Variants in NELL1 observed in about 807,000 individuals in gnomAD.
The protein encoded by NELL1 is neural EGFL like 1.
A neutral mutation model predicts 107.4 loss-of-function variants in NELL1; 76 were observed. The observed-to-expected ratio is 0.71, with a 90% CI of 0.59 to 0.86. The LOEUF (loss-of-function observed/expected upper bound fraction) is 0.86, where lower values mean the gene tolerates loss of function less well. Ranked by LOEUF, NELL1 falls within the 40% of genes least tolerant of loss-of-function variation. The pLI, the probability that NELL1 is intolerant of heterozygous loss-of-function variation, is 0.00. For missense variants in NELL1, 1,024 were observed against 1,005.5 expected (o/e 1.02, Z -0.25); for synonymous variants, 353 against 341.2 (o/e 1.03, Z -0.38).
chr11:21,123,347 G>A (rs1442212570), intron 13 of NELL1, among the ~76,000 whole-genome samples: 1 of 127,398 alleles, frequency 7.8e-6, no homozygotes. Flanking sequence ...GTGTGTGTGT[G>A]TGTGTGTGTG....
intron 15 of NELL1, among the ~76,000 whole-genome samples, chr11:21,506,929 A>C (rs376281527): frequency 6.6e-6 from 1 of 152,308 alleles, no homozygotes; most frequent in East Asian, 1.9e-4. Flanking sequence ...AAAGTAGAAA[A>C]ATAAAGGACA....
At chr11:20,918,369 G>A in intron 6 of NELL1, 115 bp downstream of exon 6, 1 of 656,204 alleles carries the variant, frequency 1.5e-6, no homozygotes, top group South Asian at 1.8e-5. Context: ...TGAGGTGCTG[G>A]AGATAGTGAA....
chr11:20,816,011 A>T (rs1456932229), intron 3 of NELL1, among the ~76,000 whole-genome samples: 1 of 151,986 alleles, frequency 6.6e-6, no homozygotes, highest in East Asian at 1.9e-4. Flanking sequence ...CCATTAGTTT[A>T]TGTGTCTGTT....
intron 14 of NELL1, among the ~76,000 whole-genome samples, chr11:21,279,350 A>G (rs1444066842): frequency 6.6e-6 from 1 of 152,224 alleles, no homozygotes; most frequent in African/African-American, 2.4e-5. Context: ...GTGGGAGAAA[A>G]TAGTTGCAAA....
At chr11:21,547,938 TGTAA>T (rs1306782582) in intron 16 of NELL1, among the ~76,000 whole-genome samples, 1 of 151,756 alleles carries the variant, frequency 6.6e-6, no homozygotes, top group African/African-American at 2.4e-5. Flanking sequence ...TGGGGACACA[TGTAA>T]GTAAGAGTTG....
intron 12 of NELL1, among the ~76,000 whole-genome samples, chr11:20,988,427 G>A (rs1378276922): frequency 8.1e-6 from 1 of 123,764 alleles, no homozygotes; most frequent in African/African-American, 3.5e-5. Context: ...GTACATATGT[G>A]TGTATATATA....
chr11:21,190,988 G>A lies in NELL1; in HGVS notation c.1427-38344G>A, dbSNP rs553306309. On this transcript the variant is annotated intron_variant, in intron 13 of 19. Coordinates refer to ENST00000357134, the MANE Select transcript of NELL1 (RefSeq NM_006157.5). ...GTTGGGCATATTGCAAGGTGGCAGT[G>A]TAATAGGGTGGTTTGAGAGCATGGG... is the stretch of plus-strand genomic sequence containing the variant. Among the ~76,000 whole-genome samples the A allele has an allele frequency of 6.6e-5, 10 of 151,970 alleles. No homozygotes were observed. In the South Asian group the frequency reaches 1.2e-3, roughly 19 times the overall value.
At position 21,406,903 on chromosome 11, in the gene NELL1, G is replaced by A. The variant is rs149150867; in HGVS notation, c.1645+35955G>A. On this transcript the variant is annotated intron_variant, in intron 15 of 19. Transcript: ENST00000357134. The stretch of plus-strand genomic sequence containing the variant: ...TTAACTATAGTCACTCTACTGTGCT[G>A]TGAAACACCAGAACTTATTCCTTCT... Among the ~76,000 whole-genome samples the A allele has an allele frequency of 4.4e-4, 67 of 152,102 alleles. 2 individuals are homozygous for A. The East Asian group carries it at 0.012, about 28-fold the overall frequency.
intron 2 of NELL1, among the ~76,000 whole-genome samples, chr11:20,678,533 A>G (rs557265942): frequency 2.0e-5 from 3 of 152,226 alleles, no homozygotes; most frequent in Non-Finnish European, 2.9e-5. Context: ...AATTCATTAA[A>G]TCATTCAGCA....
chr11:21,552,342 T>C (rs1433250125), intron 16 of NELL1, among the ~76,000 whole-genome samples: 1 of 151,686 alleles, frequency 6.6e-6, no homozygotes, highest in African/African-American at 2.4e-5. Context: ...GGTTGGTGAA[T>C]GGAGTAGACA....
intron 15 of NELL1, among the ~76,000 whole-genome samples, chr11:21,499,250 G>A (rs1855073524): frequency 6.6e-6 from 1 of 151,320 alleles, no homozygotes; most frequent in Non-Finnish European, 1.5e-5. Flanking sequence ...TCTATATATT[G>A]TGTGAAATAA....
chr11:20,696,675 A>AT (rs984265678), intron 2 of NELL1, among the ~76,000 whole-genome samples: 2 of 152,086 alleles, frequency 1.3e-5, no homozygotes, highest in African/African-American at 4.8e-5. Context: ...ATACTACTCA[A>AT]TTTTTTTGGT....
At chr11:21,019,917 T>C (rs772128090) in intron 12 of NELL1, among the ~76,000 whole-genome samples, 2 of 152,084 alleles carry the variant, frequency 1.3e-5, no homozygotes, top group African/African-American at 2.4e-5. Flanking sequence ...TGTTAGATTC[T>C]TCTCTGTTCA....
intron 2 of NELL1, among the ~76,000 whole-genome samples, chr11:20,688,022 T>C (rs1211587044): frequency 6.8e-6 from 1 of 147,576 alleles, no homozygotes; most frequent in Admixed American, 6.7e-5. Context: ...GAAGTATCAC[T>C]AACCATACAG....
chr11:20,935,342 G>A (rs1029586601), intron 9 of NELL1, among the ~76,000 whole-genome samples: 1 of 152,186 alleles, frequency 6.6e-6, no homozygotes, highest in African/African-American at 2.4e-5. Flanking sequence ...AAGCTCATGG[G>A]TGTATAGGGT....
At chr11:21,541,924 G>C (rs536847128) in intron 16 of NELL1, among the ~76,000 whole-genome samples, 41 of 152,162 alleles carry the variant, frequency 2.7e-4, no homozygotes, top group Non-Finnish European at 5.1e-4. Context: ...AACATTTATT[G>C]AGAGTTTTAC....
chr11:21,071,756 G>A (rs965851267), intron 12 of NELL1, among the ~76,000 whole-genome samples: 1 of 152,216 alleles, frequency 6.6e-6, no homozygotes, highest in African/African-American at 2.4e-5. Flanking sequence ...TCAAAGCTCG[G>A]CTCTAAGAGG....
chr11:21,490,838 A>G (rs747954408), intron 15 of NELL1, among the ~76,000 whole-genome samples: 36 of 152,150 alleles, frequency 2.4e-4, no homozygotes, highest in Non-Finnish European at 4.1e-4. Context: ...ACCTGAAACT[A>G]TAAAACTGCT....
chr11:21,226,427 C>G (rs1283876034), intron 13 of NELL1, among the ~76,000 whole-genome samples: 1 of 152,202 alleles, frequency 6.6e-6, no homozygotes, highest in African/African-American at 2.4e-5. Context: ...CATTCACAAT[C>G]TGAGTTTCTC....
Sources: allele counts gnomAD v4.1 joint callset (sites outside exome capture counted in the v4.1 genomes callset), GRCh38; gene constraint gnomAD v4.1.1; transcripts MANE v1.5; gene names NCBI Gene and HGNC (gene_info 2026-07-23, HGNC 2026-07-21).